NUP205: variants seen among roughly 807,000 people sequenced by gnomAD.
The protein encoded by NUP205 is nuclear pore complex protein Nup205.
Under a neutral mutation model 253.8 loss-of-function variants are expected in NUP205, and 76 were observed. The ratio of observed to expected loss-of-function variants is 0.30; its 90% CI spans 0.25 to 0.36. The LOEUF is 0.36. Among genes scored for constraint, NUP205 ranks in the 10% least tolerant of loss-of-function variants. The pLI is 1.00. For missense variants in NUP205, 2,162 were observed against 2,425.5 expected, an observed-to-expected ratio of 0.89 and a Z score of 2.28; for synonymous variants, 832 against 850.1, an observed-to-expected ratio of 0.98 and a Z score of 0.37.
At chr7:135,608,196 T>C (rs1188706018) in intron 22 of NUP205, among the ~76,000 whole-genome samples, 1 of 151,964 alleles carries the variant, frequency 6.6e-6, no homozygotes, top group East Asian at 1.9e-4. Flanking sequence ...CAGCTAATTT[T>C]TGTATTTTTA....
In NUP205 at chr7:135,646,247, C is replaced by T; in HGVS notation, c.5886+16C>T. ...TTTAGACCAGGTAAGGTTCTATTCTCATATTCTTTTATTTTTCTTCATTAA... is the reference window on the plus strand; with the variant it reads ...TTTAGACCAGGTAAGGTTCTATTCTTATATTCTTTTATTTTTCTTCATTAA... On this transcript the variant is annotated intron_variant, in intron 42 of 42. Transcript: ENST00000285968. 1.3e-6 allele frequency: 2 copies of T among 1,567,796 alleles called. No homozygotes were observed. Among genetic ancestry groups the T allele is most frequent in the Non-Finnish European group, 1.8e-6 (2 of 1,138,116 alleles).
intron 10 of NUP205, among the ~76,000 whole-genome samples, chr7:135,589,413 C>T (rs761329184): frequency 1.6e-4 from 24 of 150,854 alleles, no homozygotes; most frequent in Admixed American, 3.3e-4. Context: ...CTCAGCCTCC[C>T]GAATAACTGG....
chr7:135,615,070 A>C (rs1794327496), intron 23 of NUP205, among the ~76,000 whole-genome samples: 1 of 152,200 alleles, frequency 6.6e-6, no homozygotes, highest in Admixed American at 6.5e-5. Flanking sequence ...TTGTTTAAGA[A>C]GCTTTTAGAA....
At position 135,614,162 on chromosome 7, in the gene NUP205, A is replaced by C; in HGVS notation, c.3199A>C (p.Ile1067Leu). The C allele has an allele frequency of 6.5e-7, 1 of 1,540,122 alleles. No individual in the cohort carries two copies. Reference protein sequence around the residue: ...PQLAELCYQVIYQLCACSDTS... With the variant: ...PQLAELCYQVLYQLCACSDTS... Reference sequence around the variant, plus strand: ...TTTTCTTACTTTAATGCTTTAGGTCATATATCAGTTATGTGCATGCTCTGA... The same window carrying C: ...TTTTCTTACTTTAATGCTTTAGGTCCTATATCAGTTATGTGCATGCTCTGA... Residue 1067 changes from isoleucine to leucine, a missense_variant, in exon 23 of 43, where the codon ATA (isoleucine) becomes CTA (leucine). Coordinates refer to ENST00000285968, the MANE Select transcript of NUP205 (RefSeq NM_015135.3).
chr7:135,643,140 C>T, intron 38 of NUP205, 52 bp from the exon 39 acceptor site: 2 of 1,528,618 alleles, frequency 1.3e-6, no homozygotes, highest in Non-Finnish European at 1.8e-6. Flanking sequence ...ATTTGAAATT[C>T]ATATGAAATG....
chr7:135,617,895 T>C (rs181721615), intron 27 of NUP205, among the ~76,000 whole-genome samples: 1 of 151,366 alleles, frequency 6.6e-6, no homozygotes, highest in Admixed American at 6.6e-5. Context: ...GCTAGGCTAG[T>C]TAAGGATTTG....
intron 38 of NUP205, among the ~76,000 whole-genome samples, chr7:135,641,449 C>A (rs1391436527): frequency 2.0e-5 from 3 of 152,218 alleles, no homozygotes; most frequent in Non-Finnish European, 2.9e-5. Flanking sequence ...ACAAAGGACT[C>A]TTCTGTCTCT....
chr7:135,614,370 C>T, intron 23 of NUP205, 97 bp downstream of exon 23: 2 of 678,608 alleles, frequency 2.9e-6, no homozygotes, highest in Non-Finnish European at 5.0e-6. Context: ...TGTTCTCATT[C>T]TGATACTTTG....
chr7:135,607,426 A>G (rs2129490741), intron 22 of NUP205, 55 bp downstream of exon 22: 5 of 1,587,960 alleles, frequency 3.1e-6, no homozygotes, highest in East Asian at 4.5e-5. Flanking sequence ...GACCAGGTGC[A>G]TGAGTACGCC....
At chr7:135,566,392 C>T (rs953521156) in intron 1 of NUP205, among the ~76,000 whole-genome samples, 4 of 152,116 alleles carry the variant, frequency 2.6e-5, no homozygotes, top group African/African-American at 9.7e-5. Context: ...CCCCTGTCTG[C>T]CAGTTATTGC....
chr7:135,619,302 A>G, intron 28 of NUP205, 121 bp from the exon 29 acceptor site: 1 of 1,010,066 alleles, frequency 9.9e-7, no homozygotes, highest in Admixed American at 2.3e-5. Context: ...AGATTATGCT[A>G]CTGCACTCCA....
At chr7:135,613,921 T>C (rs146220015) in intron 22 of NUP205, 376 of 256,510 alleles carry the variant, frequency 1.5e-3, no homozygotes, top group African/African-American at 7.5e-3. Flanking sequence ...ATATTAATAA[T>C]AGTTGTGTAA....
chr7:135,611,778 GTAAA>G (rs78602127), intron 22 of NUP205, among the ~76,000 whole-genome samples: 2,947 of 152,192 alleles, frequency 0.019, 46 homozygotes, highest in Middle Eastern at 0.027. Context: ...GGTGGCAGTT[GTAAA>G]TAAATAAATT....
In NUP205 at chr7:135,645,450, A is replaced by C; in HGVS notation, c.5684-18A>C. The C allele has an allele frequency of 1.2e-6, 2 of 1,608,244 alleles. No homozygotes were observed. Among genetic ancestry groups the C allele is most frequent in the Non-Finnish European group, 1.7e-6 (2 of 1,178,318 alleles). On this transcript the variant is annotated intron_variant, in intron 40 of 42. Coordinates refer to ENST00000285968, the MANE Select transcript of NUP205 (RefSeq NM_015135.3). Reference sequence around the variant, plus strand: ...TATTTGATGAGATTATGTTCCTTTAATCTGAGCTCTGGTATAGTTATCATA... The same window carrying C: ...TATTTGATGAGATTATGTTCCTTTACTCTGAGCTCTGGTATAGTTATCATA...
intron 3 of NUP205, among the ~76,000 whole-genome samples, chr7:135,575,769 G>A (rs1469826812): frequency 6.6e-6 from 1 of 152,120 alleles, no homozygotes; most frequent in African/African-American, 2.4e-5. Flanking sequence ...CAGCCTAGGT[G>A]ACAGAGTGAG....
At chr7:135,577,235 C>A in intron 5 of NUP205, 107 bp downstream of exon 5, 3 of 1,087,670 alleles carry the variant, frequency 2.8e-6, no homozygotes, top group Non-Finnish European at 4.0e-6. Context: ...TAGCTGATAC[C>A]ATGCCTGATT....
chr7:135,587,965 G>T lies in NUP205; in HGVS notation c.1446G>T (p.Val482=). 6.2e-7 allele frequency: 1 copy of T among 1,613,444 alleles called. No homozygotes were observed. The highest frequency in any genetic ancestry group is 8.5e-7 in the Non-Finnish European group (1 of 1,179,776). ...TPTIMGSYLG[V]AHQRPPQRQV... ...CTATCATGGGCTCTTATCTAGGGGT[G>T]GCTCATCAGCGGCCCCCTCAACGCC... The change falls in exon 10 of 43, where the codon GTG becomes GTT. Residue 482 remains valine, a synonymous_variant. Transcript: ENST00000285968.
intron 12 of NUP205, among the ~76,000 whole-genome samples, chr7:135,593,879 A>G (rs543412555): frequency 3.9e-5 from 6 of 152,316 alleles, no homozygotes; most frequent in Admixed American, 1.3e-4. Flanking sequence ...ACAGATAGAG[A>G]AGAAGAAAGT....
At chr7:135,558,521 G>A (rs1010058699) in intron 1 of NUP205, among the ~76,000 whole-genome samples, 4 of 152,166 alleles carry the variant, frequency 2.6e-5, no homozygotes, top group African/African-American at 9.7e-5. Flanking sequence ...TTAGGCCCTG[G>A]ATGTTCTTGT....
Sources: gnomAD v4.1 joint callset for allele counts (sites outside exome capture counted in the v4.1 genomes callset) on GRCh38, gnomAD v4.1.1 for gene constraint, MANE v1.5 for transcripts, NCBI Gene and HGNC (gene_info 2026-07-23, HGNC 2026-07-21) for gene names.